Variants in FPGT observed in about 807,000 individuals in gnomAD.
FPGT encodes GDP-L-fucose diphosphorylase.
A neutral mutation model predicts 45.8 loss-of-function variants in FPGT; 41 were observed. That is an observed-to-expected ratio of 0.90 (90% confidence interval 0.70 to 1.16). FPGT has a LOEUF of 1.16. FPGT is among the 50% of genes most tolerant of loss of function. The pLI, the probability that FPGT is intolerant of heterozygous loss-of-function variation, is 0.00. For missense variants in FPGT, 755 were observed against 689.1 expected (o/e 1.10, Z -1.07); for synonymous variants, 292 against 247.2 (o/e 1.18, Z -1.70).
chr1:74,206,134 T>C lies in FPGT; in HGVS notation c.*302T>C. The C allele has an allele frequency of 4.8e-6, 1 of 206,756 alleles. No individual in the cohort carries two copies. The highest frequency in any genetic ancestry group is 9.6e-6 in the Non-Finnish European group (1 of 104,254). The allele number at this position is 206,756 out of a possible 1,614,324, so 12.8% of individuals were successfully genotyped here. On this transcript the variant is annotated 3_prime_UTR_variant, in exon 4 of 4. Coordinates refer to ENST00000370898, the MANE Select transcript of FPGT (RefSeq NM_003838.5). ...AAAGGTAATTTTCTAAGCATACCTT[T>C]GGAATTTTTCCATCTTTTTTGAGGC...
chr1:74,202,636 A>G (rs1651908051), intron 3 of FPGT, among the ~76,000 whole-genome samples: 1 of 152,270 alleles, frequency 6.6e-6, no homozygotes. Context: ...GTGTGCTGCC[A>G]AGTGCTTTAC....
At position 74,204,694 on chromosome 1, in the gene FPGT, A is replaced by G. The variant is rs762906455; in HGVS notation, c.647A>G (p.His216Arg). The change falls in exon 4 of 4, where the codon CAT becomes CGT. Residue 216 changes from histidine to arginine, a missense_variant. Transcript: ENST00000370898. ...TTAGATCCTTTTGATGATTTAAAAC[A>G]TAGAGACCTTGAATACAGGTCTTGC... ...FVLDPFDDLK[H>R]RDLEYRSCHR... The G allele has an allele frequency of 4.3e-6, 7 of 1,613,630 alleles. No homozygotes were observed. The highest frequency in any genetic ancestry group is 5.9e-6 in the Non-Finnish European group (7 of 1,179,528).
At chr1:74,199,417 T>C (rs917686707) in intron 1 of FPGT, among the ~76,000 whole-genome samples, 2 of 152,136 alleles carry the variant, frequency 1.3e-5, no homozygotes, top group African/African-American at 2.4e-5. Flanking sequence ...TTAAATTGGA[T>C]TGCAAACCAT....
At position 74,208,086 on chromosome 1, in the gene FPGT, C is replaced by T. The variant is rs1007141414; in HGVS notation, c.*2254C>T. On this transcript the variant is annotated 3_prime_UTR_variant, in exon 4 of 4. Transcript: ENST00000370898. ...TTCACATGTGAGCAAGTAACAACTC[C>T]ATGACTATTGCTGCCTGGCTAATAG... Among the ~76,000 whole-genome samples, 3 of 151,970 alleles carry T rather than the reference C, an allele frequency of 2.0e-5. No homozygotes were observed. Among genetic ancestry groups the T allele is most frequent in the Non-Finnish European group, 2.9e-5 (2 of 67,940 alleles).
rs757200610 is a variant in FPGT, at chr1:74,199,872, C to T, written c.250+41C>T. On this transcript the variant is annotated intron_variant, in intron 2 of 3. Transcript: ENST00000370898. ...TCAGTTTTATAATATAGGTCCTAAGCAGAATAATCATTGAAGAAAAGGTTT... is the reference window on the plus strand; with the variant it reads ...TCAGTTTTATAATATAGGTCCTAAGTAGAATAATCATTGAAGAAAAGGTTT... 4 of 1,581,704 alleles carry T rather than the reference C, an allele frequency of 2.5e-6. No homozygotes were observed. The Admixed American group carries it at 5.6e-5, about 22-fold the overall frequency.
At chr1:74,201,976 T>C (rs1247694661) in intron 3 of FPGT, among the ~76,000 whole-genome samples, 1 of 152,232 alleles carries the variant, frequency 6.6e-6, no homozygotes, top group Admixed American at 6.5e-5. Flanking sequence ...CAGTACTTTT[T>C]ATCTTGCATT....
rs766587208 is a variant in FPGT, at chr1:74,207,767, C to A, written c.*1935C>A. On this transcript the variant is annotated 3_prime_UTR_variant, in exon 4 of 4. Coordinates refer to ENST00000370898, the MANE Select transcript of FPGT (RefSeq NM_003838.5). ...TGTTTGTTTTTTCTTTTTCAAGATT[C>A]TTTTTAAAGAAAATATATGGTAGCT... Among the ~76,000 whole-genome samples, 1 of 151,910 alleles carries A rather than the reference C, an allele frequency of 6.6e-6. No individual in the cohort carries two copies. The highest frequency in any genetic ancestry group is 2.1e-4 in the South Asian group (1 of 4,820).
rs1229577228 is a variant in FPGT, at chr1:74,206,132, T to C, written c.*300T>C. 9.7e-6 allele frequency: 2 copies of C among 206,084 alleles called. No individual in the cohort carries two copies. Among genetic ancestry groups the C allele is most frequent in the African/African-American group, 4.6e-5 (2 of 43,172 alleles). The allele number at this position is 206,084 out of a possible 1,614,324, so 12.8% of individuals were successfully genotyped here. A position where few individuals can be genotyped will look rare whatever the true frequency, so the allele number is the denominator to read the frequency against. ...TTAAAGGTAATTTTCTAAGCATACCTTTGGAATTTTTCCATCTTTTTTGAG... is the reference window on the plus strand; with the variant it reads ...TTAAAGGTAATTTTCTAAGCATACCCTTGGAATTTTTCCATCTTTTTTGAG... On this transcript the variant is annotated 3_prime_UTR_variant, in exon 4 of 4. Coordinates refer to ENST00000370898, the MANE Select transcript of FPGT (RefSeq NM_003838.5).
intron 2 of FPGT, 47 bp downstream of exon 2, chr1:74,199,878 A>T: frequency 6.3e-7 from 1 of 1,576,300 alleles, no homozygotes; most frequent in Non-Finnish European, 8.6e-7. Flanking sequence ...TAAGCAGAAT[A>T]ATCATTGAAG....
chr1:74,204,791 T>C lies in FPGT; in HGVS notation c.744T>C (p.Phe248=). 1 of 1,613,844 alleles carries C rather than the reference T, an allele frequency of 6.2e-7. No homozygotes were observed. Among genetic ancestry groups the C allele is most frequent in the South Asian group, 1.1e-5 (1 of 91,068 alleles). ...QFNAVCRPGN[F]CQQDFAGGDI... ...ATGCTGTGTGTAGACCTGGAAATTTTTGTCAACAGGACTTTGCTGGGGGTG... is the reference window on the plus strand; with the variant it reads ...ATGCTGTGTGTAGACCTGGAAATTTCTGTCAACAGGACTTTGCTGGGGGTG... The change falls in exon 4 of 4, where the codon TTT becomes TTC. Residue 248 remains phenylalanine (F), a synonymous_variant. Transcript: ENST00000370898.
chr1:74,207,620 T>A lies in FPGT; in HGVS notation c.*1788T>A, dbSNP rs1161478981. Among the ~76,000 whole-genome samples, 1 of 152,064 alleles carries A rather than the reference T, an allele frequency of 6.6e-6. No homozygotes were observed. The highest frequency in any genetic ancestry group is 1.5e-5 in the Non-Finnish European group (1 of 67,970). ...GTCCTTAGAAGATCGGACCTGTGAT[T>A]CTATTCAAAGTCAGAAAGAGATTTC... On this transcript the variant is annotated 3_prime_UTR_variant, in exon 4 of 4. Transcript: ENST00000370898.
At chr1:74,203,868 T>A (rs982450802) in intron 3 of FPGT, among the ~76,000 whole-genome samples, 1 of 151,784 alleles carries the variant, frequency 6.6e-6, no homozygotes, top group East Asian at 2.0e-4. Context: ...ATGGTGAAAC[T>A]TCGTCTCTAC....
Position 74,206,828 on chromosome 1 carries a change from TTCTA to T in FPGT, c.*998_*1001del, listed in dbSNP as rs1204464797. The T allele has an allele frequency of 6.6e-6, 1 of 152,094 alleles. No individual in the cohort carries two copies. Among genetic ancestry groups the T allele is most frequent in the Non-Finnish European group, 1.5e-5 (1 of 67,954 alleles). 9.4% of individuals were successfully genotyped at this position (152,094 alleles called of 1,614,324 possible). A position where few individuals can be genotyped will look rare whatever the true frequency, so the allele number is the denominator to read the frequency against. Reference sequence around the variant, plus strand: ...TTGGCTAGAATCTCAAGTTATGTGTTTCTATATTGGTATAAGCATATAAGTGAAA... The same window carrying T: ...TTGGCTAGAATCTCAAGTTATGTGTTTATTGGTATAAGCATATAAGTGAAA... On this transcript the variant is annotated 3_prime_UTR_variant, in exon 4 of 4. Coordinates refer to ENST00000370898, the MANE Select transcript of FPGT (RefSeq NM_003838.5).
chr1:74,199,355 G>T (rs1183039358), intron 1 of FPGT, among the ~76,000 whole-genome samples: 1 of 152,130 alleles, frequency 6.6e-6, no homozygotes, highest in Non-Finnish European at 1.5e-5. Flanking sequence ...TCTTTGGCAA[G>T]TTAAAAGTCG....
chr1:74,198,893 T>G (rs1462306834), intron 1 of FPGT, among the ~76,000 whole-genome samples: 1 of 152,196 alleles, frequency 6.6e-6, no homozygotes, highest in Non-Finnish European at 1.5e-5. Flanking sequence ...ATAAAAGTGA[T>G]TATATTTGTG....
chr1:74,203,327 A>G (rs1267214463), intron 3 of FPGT, among the ~76,000 whole-genome samples: 2 of 152,130 alleles, frequency 1.3e-5, no homozygotes, highest in African/African-American at 4.8e-5. Context: ...GAAATGTTGT[A>G]AAGAAGCAAG....
chr1:74,200,311 G>A (rs1338048434), intron 2 of FPGT, among the ~76,000 whole-genome samples: 2 of 152,070 alleles, frequency 1.3e-5, no homozygotes, highest in East Asian at 1.9e-4. Context: ...CCCTTTGACC[G>A]TCCATTGCAA....
chr1:74,204,719 C>T lies in FPGT; in HGVS notation c.672C>T (p.Cys224=). 1 of 1,613,650 alleles carries T rather than the reference C, an allele frequency of 6.2e-7. No individual in the cohort carries two copies. Among genetic ancestry groups the T allele is most frequent in the East Asian group, 2.2e-5 (1 of 44,874 alleles). ...ATAGAGACCTTGAATACAGGTCTTG[C>T]CATCGTTTCCTTCATAAGCCCAGCA... is the stretch of plus-strand genomic sequence containing the variant. ...LKHRDLEYRS[C]HRFLHKPSIE... The change falls in exon 4 of 4, where the codon TGC becomes TGT. Residue 224 remains cysteine, a synonymous_variant. Transcript: ENST00000370898.
At chr1:74,203,459 G>A (rs953979596) in intron 3 of FPGT, among the ~76,000 whole-genome samples, 3 of 151,000 alleles carry the variant, frequency 2.0e-5, no homozygotes, top group Admixed American at 6.6e-5. Context: ...CACGATCTCC[G>A]CTCACTGCTG....
Sources: allele counts gnomAD v4.1 joint callset (sites outside exome capture counted in the v4.1 genomes callset), GRCh38; gene constraint gnomAD v4.1.1; transcripts MANE v1.5; gene names NCBI Gene and HGNC (gene_info 2026-07-23, HGNC 2026-07-21).